Variants in NELL1 observed in about 807,000 individuals in gnomAD.
NELL1 encodes the protein protein kinase C-binding protein NELL1.
NELL1 carries 76 observed loss-of-function variants against 107.4 expected under a neutral mutation model. That is an observed-to-expected ratio of 0.71 (90% confidence interval 0.59 to 0.86). The LOEUF (loss-of-function observed/expected upper bound fraction) is 0.86, where lower values mean the gene tolerates loss of function less well. NELL1 is among the 40% of genes least tolerant of loss of function. The pLI, the probability that NELL1 is intolerant of heterozygous loss-of-function variation, is 0.00. For missense variants in NELL1, 1,024 were observed against 1,005.5 expected, an observed-to-expected ratio of 1.02 and a Z score of -0.25; for synonymous variants, 353 against 341.2, an observed-to-expected ratio of 1.03 and a Z score of -0.38.
intron 12 of NELL1, among the ~76,000 whole-genome samples, chr11:21,089,414 G>A (rs1233862454): frequency 1.3e-5 from 2 of 152,150 alleles, no homozygotes; most frequent in Middle Eastern, 3.2e-3. Context: ...GTGGATGAAT[G>A]TCTTCTCCCC....
At chr11:20,679,036 G>A (rs768665247) in intron 2 of NELL1, among the ~76,000 whole-genome samples, 5 of 152,196 alleles carry the variant, frequency 3.3e-5, no homozygotes, top group Non-Finnish European at 5.9e-5. Flanking sequence ...CTTTCGCATG[G>A]CGGAAGGGTG....
chr11:21,526,294 T>A (rs952008291), intron 15 of NELL1, among the ~76,000 whole-genome samples: 10 of 152,224 alleles, frequency 6.6e-5, no homozygotes, highest in Non-Finnish European at 1.5e-4. Flanking sequence ...ATGGAAGAAT[T>A]GGGTTCCCAC....
chr11:21,564,125 T>G (rs1591040078), intron 17 of NELL1, among the ~76,000 whole-genome samples: 1 of 151,966 alleles, frequency 6.6e-6, no homozygotes, highest in East Asian at 2.0e-4. Context: ...GTAAGAGATT[T>G]TACGTTTGGA....
chr11:21,457,327 A>G (rs1194818881), intron 15 of NELL1, among the ~76,000 whole-genome samples: 1 of 152,208 alleles, frequency 6.6e-6, no homozygotes, highest in Non-Finnish European at 1.5e-5. Context: ...TGTAATCTAG[A>G]AGAAAAGTTA....
rs747467017 is a variant in NELL1 at position 21,179,383 on chromosome 11, T to A, written c.1427-49949T>A. ...CAATAGTCATATGTAATAAATCATC[T>A]CAAAACTCAATGGCTTAAAAAAACT... On this transcript the variant is annotated intron_variant, in intron 13 of 19. Coordinates refer to ENST00000357134, the MANE Select transcript of NELL1 (RefSeq NM_006157.5). Among the ~76,000 whole-genome samples, 12 of 151,816 alleles carry A rather than the reference T, an allele frequency of 7.9e-5. 1 individual carries two copies. Among genetic ancestry groups the A allele is most frequent in the Non-Finnish European group, 1.2e-4 (8 of 68,018 alleles).
In NELL1 at chr11:20,983,856, G is replaced by C. The variant is rs1189133435; in HGVS notation, c.1300+23296G>C. 2.0e-5 allele frequency among the ~76,000 whole-genome samples: 3 copies of C among 152,258 alleles called. No individual in the cohort carries two copies. In the South Asian group the frequency reaches 6.2e-4, roughly 32 times the overall value. On this transcript the variant is annotated intron_variant, in intron 12 of 19. Coordinates refer to ENST00000357134, the MANE Select transcript of NELL1 (RefSeq NM_006157.5). ...AGTTTCTCATTGCTGTAAGGAACAA[G>C]ATGGATCCTTATCACAGACCACAGG... is the stretch of plus-strand genomic sequence containing the variant.
intron 14 of NELL1, among the ~76,000 whole-genome samples, chr11:21,302,057 C>A (rs755057938): frequency 6.6e-6 from 1 of 152,056 alleles, no homozygotes; most frequent in Non-Finnish European, 1.5e-5. Context: ...TGCTCATCTT[C>A]TCCTCTGTTT....
chr11:20,814,052 G>A (rs1296475595), intron 3 of NELL1, among the ~76,000 whole-genome samples: 2 of 151,896 alleles, frequency 1.3e-5, no homozygotes, highest in Non-Finnish European at 2.9e-5. Context: ...CTGGAGTGCA[G>A]TGGTGCGATC....
chr11:21,376,312 T>C (rs1369577259), intron 15 of NELL1, among the ~76,000 whole-genome samples: 1 of 152,084 alleles, frequency 6.6e-6, no homozygotes, highest in Non-Finnish European at 1.5e-5. Context: ...GGAGTCTTTT[T>C]CCCACTGCTT....
intron 7 of NELL1, among the ~76,000 whole-genome samples, chr11:20,923,792 T>G (rs1449110238): frequency 6.6e-6 from 1 of 152,212 alleles, no homozygotes; most frequent in Non-Finnish European, 1.5e-5. Context: ...AGACTTTCAT[T>G]GTTTTGAGGA....
chr11:20,704,573 T>C (rs1854889250), intron 2 of NELL1, among the ~76,000 whole-genome samples: 1 of 152,188 alleles, frequency 6.6e-6, no homozygotes, highest in African/African-American at 2.4e-5. Context: ...ATTTTGCTTG[T>C]TAGTTGATGC....
chr11:21,303,463 CA>C (rs1377653561), intron 14 of NELL1, among the ~76,000 whole-genome samples: 1 of 151,954 alleles, frequency 6.6e-6, no homozygotes, highest in Non-Finnish European at 1.5e-5. Flanking sequence ...ATTAAAAAGT[CA>C]AAAAGCCTAA....
intron 2 of NELL1, among the ~76,000 whole-genome samples, chr11:20,687,470 G>A (rs753833621): frequency 1.6e-4 from 24 of 151,874 alleles, no homozygotes; most frequent in Non-Finnish European, 3.1e-4. Flanking sequence ...GAATGGCTAT[G>A]TATAAACATT....
At chr11:21,283,758 G>C (rs1001507070) in intron 14 of NELL1, 1 of 176,312 alleles carries the variant, frequency 5.7e-6, no homozygotes, top group African/African-American at 2.4e-5. Flanking sequence ...TCACACAATT[G>C]AATAGATCTC....
chr11:21,157,149 GTA>G (rs148360732), intron 13 of NELL1, among the ~76,000 whole-genome samples: 8 of 147,440 alleles, frequency 5.4e-5, no homozygotes, highest in African/African-American at 1.8e-4. Context: ...GAATGTGTAT[GTA>G]TATATATATA....
chr11:20,869,540 T>G (rs1435342501), intron 4 of NELL1, among the ~76,000 whole-genome samples: 1 of 152,188 alleles, frequency 6.6e-6, no homozygotes, highest in African/African-American at 2.4e-5. Context: ...GTACAGGAAC[T>G]GATCAGATGG....
At chr11:21,181,010 G>A (rs901253610) in intron 13 of NELL1, among the ~76,000 whole-genome samples, 11 of 151,696 alleles carry the variant, frequency 7.3e-5, no homozygotes, top group African/African-American at 2.4e-4. Context: ...CTAAAAATGA[G>A]GATGCTCGAA....
At chr11:21,235,046 A>G (rs1234190905) in intron 14 of NELL1, among the ~76,000 whole-genome samples, 1 of 152,224 alleles carries the variant, frequency 6.6e-6, no homozygotes, top group African/African-American at 2.4e-5. Flanking sequence ...CAAGTGGAAT[A>G]GGAAGCCTTT....
intron 12 of NELL1, among the ~76,000 whole-genome samples, chr11:21,089,740 A>C (rs1854479326): frequency 1.3e-5 from 2 of 152,204 alleles, no homozygotes. Flanking sequence ...GTGCGATTTT[A>C]GGACGCAGAG....
Sources: allele counts gnomAD v4.1 joint callset (sites outside exome capture counted in the v4.1 genomes callset), GRCh38; gene constraint gnomAD v4.1.1; transcripts MANE v1.5; gene names NCBI Gene and HGNC (gene_info 2026-07-23, HGNC 2026-07-21).